The following STIM2 variants were observed in gnomAD, a reference collection of about 807,000 sequenced individuals.
STIM2 encodes stromal interaction molecule 2.
A neutral mutation model predicts 85.8 loss-of-function variants in STIM2; 31 were observed. The observed-to-expected ratio is 0.36, with a 90% CI of 0.27 to 0.49. STIM2 has a LOEUF of 0.49. Among genes scored for constraint, STIM2 ranks in the 20% least tolerant of loss-of-function variants. The pLI is 0.98. For synonymous variants in STIM2, 356 were observed against 331.1 expected (o/e 1.08, Z -0.82); for missense variants, 841 against 927.6 (o/e 0.91, Z 1.21).
intron 1 of STIM2, among the ~76,000 whole-genome samples, chr4:26,910,846 A>G (rs984843962): frequency 2.0e-5 from 3 of 152,270 alleles, no homozygotes; most frequent in Middle Eastern, 3.4e-3. Context: ...AGGTGGGGAA[A>G]TATGTAGGAG....
chr4:26,861,324 T>G lies in STIM2; in HGVS notation c.106T>G (p.Ser36Ala). 1.4e-6 allele frequency: 2 copies of G among 1,394,272 alleles called. No homozygotes were observed. The highest frequency in any genetic ancestry group is 9.3e-7 in the Non-Finnish European group (1 of 1,078,612). The allele number at this position is 1,394,272 out of a possible 1,614,324, so 86.4% of individuals were successfully genotyped here. Residue 36 changes from serine to alanine, a missense_variant, in exon 1 of 12, where the codon TCC (serine) becomes GCC (alanine). By Grantham distance (99) the Ser-to-Ala change is moderately conservative. Transcript: ENST00000467087. Reference sequence around the variant, plus strand: ...GACTGGCTCTGCCGCAACTGCCGCCTCCTCTCCCGCCGCGGCGGCCGGCGA... The same window carrying G: ...GACTGGCTCTGCCGCAACTGCCGCCGCCTCTCCCGCCGCGGCGGCCGGCGA...
chr4:26,871,838 C>G (rs1577406360), intron 1 of STIM2, among the ~76,000 whole-genome samples: 1 of 151,996 alleles, frequency 6.6e-6, no homozygotes, highest in East Asian at 1.9e-4. Flanking sequence ...GCTGCCATGC[C>G]TGGCCTGTTT....
intron 1 of STIM2, among the ~76,000 whole-genome samples, chr4:26,880,695 G>GTA (rs746030572): frequency 1.8e-3 from 173 of 95,670 alleles, no homozygotes; most frequent in Middle Eastern, 0.011. Context: ...ATATATATAT[G>GTA]TATATATATA....
chr4:27,021,998 G>A (rs534023388), intron 11 of STIM2, among the ~76,000 whole-genome samples: 104 of 152,154 alleles, frequency 6.8e-4, no homozygotes, highest in African/African-American at 2.4e-3. Flanking sequence ...ATACTCTGAT[G>A]TGCCTCGATT....
chr4:26,973,098 A>C (rs1727028637), intron 3 of STIM2, among the ~76,000 whole-genome samples: 1 of 152,030 alleles, frequency 6.6e-6, no homozygotes, highest in Non-Finnish European at 1.5e-5. Context: ...CCCCTTTATC[A>C]TTTTTTATTG....
At chr4:26,958,847 T>C (rs938668066) in intron 3 of STIM2, among the ~76,000 whole-genome samples, 1 of 152,162 alleles carries the variant, frequency 6.6e-6, no homozygotes, top group African/African-American at 2.4e-5. Context: ...CAGCAATCCA[T>C]AGATACTAAG....
rs865840694 is a variant in STIM2, at chr4:26,891,893, T to A, written c.152-27611T>A. On this transcript the variant is annotated intron_variant, in intron 1 of 11. Transcript: ENST00000467087. ...TTGGCTCTGTGTCTCTACCCAAGTC[T>A]CATCTTGCGGCTCCCATAATTCCTA... 2.6e-5 allele frequency among the ~76,000 whole-genome samples: 4 copies of A among 152,334 alleles called. No individual in the cohort carries two copies. In the South Asian group the frequency reaches 8.3e-4, roughly 32 times the overall value.
rs550045569 is a variant in STIM2 at position 26,998,998 on chromosome 4, T to C, written c.510-234T>C. Among the ~76,000 whole-genome samples, 5 of 152,168 alleles carry C rather than the reference T, an allele frequency of 3.3e-5. No homozygotes were observed. The South Asian group carries it at 1.0e-3, about 32-fold the overall frequency. On this transcript the variant is annotated intron_variant, in intron 4 of 11. Transcript: ENST00000467087. ...AGTAACCTTAGAAAACCAAAACTTT[T>C]TCAATGTAGCTACTAAATTATTAAC...
At chr4:26,982,585 C>A (rs547350276) in intron 3 of STIM2, among the ~76,000 whole-genome samples, 3 of 152,112 alleles carry the variant, frequency 2.0e-5, no homozygotes, top group South Asian at 4.1e-4. Flanking sequence ...CAAAAAGTAT[C>A]CAGGCTCATT....
intron 1 of STIM2, among the ~76,000 whole-genome samples, chr4:26,881,765 T>C (rs955143732): frequency 6.6e-6 from 1 of 152,246 alleles, no homozygotes; most frequent in African/African-American, 2.4e-5. Context: ...AACTATTGAA[T>C]GGAAGATATA....
intron 2 of STIM2, among the ~76,000 whole-genome samples, chr4:26,953,762 C>T (rs1726142106): frequency 6.6e-6 from 1 of 152,030 alleles, no homozygotes; most frequent in Non-Finnish European, 1.5e-5. Context: ...TATTTATTGG[C>T]TTCCTCTGTT....
chr4:26,994,278 C>T (rs989155903), intron 3 of STIM2, among the ~76,000 whole-genome samples: 5 of 152,074 alleles, frequency 3.3e-5, no homozygotes, highest in Non-Finnish European at 7.4e-5. Context: ...GGCCCCTGCT[C>T]GTTTCCCCAA....
intron 1 of STIM2, among the ~76,000 whole-genome samples, chr4:26,876,004 T>G (rs1722804411): frequency 6.6e-6 from 1 of 152,182 alleles, no homozygotes; most frequent in South Asian, 2.1e-4. Context: ...GCTTGTAGTA[T>G]ATAGTATGTA....
chr4:26,886,341 A>G (rs1366725138), intron 1 of STIM2, among the ~76,000 whole-genome samples: 4 of 149,576 alleles, frequency 2.7e-5, no homozygotes, highest in Non-Finnish European at 5.9e-5. Context: ...GAAGAAAACG[A>G]TGAGCTTAAT....
At chr4:26,881,624 T>A (rs1446469720) in intron 1 of STIM2, 2 of 152,182 alleles carry the variant, frequency 1.3e-5, no homozygotes. Context: ...GCAAAAAAAT[T>A]TCTGTTCTTT....
chr4:26,888,095 G>A (rs1437644731), intron 1 of STIM2, among the ~76,000 whole-genome samples: 1 of 152,216 alleles, frequency 6.6e-6, no homozygotes, highest in Non-Finnish European at 1.5e-5. Context: ...GATGTTAACT[G>A]TGTTTACAAA....
chr4:26,872,077 C>T (rs908295518), intron 1 of STIM2, among the ~76,000 whole-genome samples: 4 of 152,082 alleles, frequency 2.6e-5, no homozygotes, highest in African/African-American at 9.7e-5. Context: ...TTGACTTAAC[C>T]ATTATTCTTT....
intron 2 of STIM2, among the ~76,000 whole-genome samples, chr4:26,942,340 A>G (rs1035230125): frequency 2.0e-5 from 3 of 151,938 alleles, no homozygotes; most frequent in African/African-American, 7.3e-5. Flanking sequence ...TCCCTTTTCT[A>G]CTGTAATTTG....
chr4:26,970,407 CT>C (rs1297408683), intron 3 of STIM2, among the ~76,000 whole-genome samples: 1 of 151,900 alleles, frequency 6.6e-6, no homozygotes, highest in Non-Finnish European at 1.5e-5. Flanking sequence ...CCCCTACCCC[CT>C]CACAGGCCCC....
Sources: gnomAD v4.1 joint callset for allele counts (sites outside exome capture counted in the v4.1 genomes callset) on GRCh38, gnomAD v4.1.1 for gene constraint, MANE v1.5 for transcripts, NCBI Gene and HGNC (gene_info 2026-07-23, HGNC 2026-07-21) for gene names.